Variants in ACLY observed in about 807,000 individuals in gnomAD.
ACLY encodes the protein ATP citrate lyase, also known as ATP-citrate synthase.
Under a neutral mutation model 133.0 loss-of-function variants are expected in ACLY, and 41 were observed. The observed-to-expected ratio is 0.31, with a 90% CI of 0.24 to 0.40. The LOEUF (loss-of-function observed/expected upper bound fraction) is 0.40, where lower values mean the gene tolerates loss of function less well. Among genes scored for constraint, ACLY ranks in the 10% least tolerant of loss-of-function variants. The pLI is 1.00. For missense variants in ACLY, 1,046 were observed against 1,453.8 expected (o/e 0.72, Z 4.56); for synonymous variants, 495 against 549.3 (o/e 0.90, Z 1.38).
chr17:41,907,374 C>T (rs1412817247), intron 7 of ACLY, 68 bp downstream of exon 7: 2 of 1,496,956 alleles, frequency 1.3e-6, no homozygotes, highest in African/African-American at 1.4e-5. Flanking sequence ...GCCAAATGCA[C>T]ATCAAAGATG....
intron 1 of ACLY, among the ~76,000 whole-genome samples, chr17:41,925,225 C>T (rs1326205613): frequency 6.6e-6 from 1 of 151,416 alleles, no homozygotes; most frequent in Non-Finnish European, 1.5e-5. Context: ...AGCCGAGATC[C>T]TGCAACTGCC....
upstream of ACLY, among the ~76,000 whole-genome samples, chr17:41,920,668 A>G (rs2050168137): frequency 6.6e-6 from 1 of 151,550 alleles, no homozygotes; most frequent in Non-Finnish European, 1.5e-5. Flanking sequence ...GAATTTTGGA[A>G]GGCCAAGTCA....
intron 25 of ACLY, 68 bp from the exon 26 acceptor site, chr17:41,869,655 G>C: frequency 7.4e-7 from 1 of 1,353,198 alleles, no homozygotes; most frequent in Non-Finnish European, 1.1e-6. Flanking sequence ...TCATACTTGT[G>C]TTACAGGTAG....
intron 13 of ACLY, among the ~76,000 whole-genome samples, chr17:41,897,526 G>C (rs1169088718): frequency 2.6e-5 from 4 of 152,124 alleles, no homozygotes; most frequent in African/African-American, 9.7e-5. Flanking sequence ...AGAATAGGGG[G>C]AGTTGAGGCG....
chr17:41,907,903 G>A (rs1044115884), intron 6 of ACLY, among the ~76,000 whole-genome samples: 8 of 152,052 alleles, frequency 5.3e-5, no homozygotes, highest in Non-Finnish European at 8.8e-5. Flanking sequence ...CCCATGGTCC[G>A]GCCACTTTTA....
intron 21 of ACLY, 46 bp downstream of exon 21, chr17:41,878,751 T>C: frequency 6.2e-7 from 1 of 1,608,308 alleles, no homozygotes; most frequent in Non-Finnish European, 8.5e-7. Context: ...TCAGGAGGGA[T>C]TTGGAAAGGA....
rs149136450 is a variant in ACLY, at chr17:41,897,378, C to G, written c.1429+371G>C. Among the ~76,000 whole-genome samples, 1,051 of 152,148 alleles carry G rather than the reference C, an allele frequency of 6.9e-3. 11 individuals are homozygous for G. The highest frequency in any genetic ancestry group is 0.024 in the African/African-American group (1,012 of 41,498). On this transcript the variant is annotated intron_variant, in intron 13 of 28. Transcript: ENST00000352035. Reference sequence around the variant, plus strand: ...TGTTGTATGAGCTGGCTCTGCCGTCCTGGGGTCCCGGTGTCTGCCCTCCAC... The same window carrying G: ...TGTTGTATGAGCTGGCTCTGCCGTCGTGGGGTCCCGGTGTCTGCCCTCCAC...
chr17:41,897,672 A>AAAGGGG, intron 13 of ACLY, 77 bp downstream of exon 13: 1 of 1,374,098 alleles, frequency 7.3e-7, no homozygotes, highest in Non-Finnish European at 9.9e-7. Flanking sequence ...CCCAGGGGGG[A>AAAGGGG]AAGGGAAAGG....
At chr17:41,869,197 T>C in intron 26 of ACLY, 72 bp from the exon 27 acceptor site, 1 of 1,339,158 alleles carries the variant, frequency 7.5e-7, no homozygotes, top group Non-Finnish European at 1.1e-6. Context: ...CCACTGTCAC[T>C]ACTATTACTA....
At chr17:41,892,192 C>T (rs2049232735) in intron 16 of ACLY, 87 bp downstream of exon 16, 5 of 1,333,342 alleles carry the variant, frequency 3.7e-6, no homozygotes, top group Middle Eastern at 2.7e-4. Context: ...TTCCTGCTTC[C>T]CCACCCTCTG....
rs782259064 is a variant in ACLY at position 41,897,784 on chromosome 17, G to A, written c.1394C>T (p.Ala465Val). ...SFSESRADEV[A>V]PAKKAKPAMP... ...GGCAGGCTTGGCCTTCTTTGCAGGC[G>A]CCACCTCATCGGCCCTGGACTCAGA... The change falls in exon 13 of 29, where the codon GCG becomes GTG. Residue 465 changes from alanine to valine, a missense_variant. Transcript: ENST00000352035. 4.3e-6 allele frequency: 7 copies of A among 1,613,096 alleles called. No homozygotes were observed. Among genetic ancestry groups the A allele is most frequent in the Admixed American group, 3.3e-5 (2 of 59,852 alleles).
intron 20 of ACLY, among the ~76,000 whole-genome samples, chr17:41,882,467 T>C (rs2048944442): frequency 6.9e-6 from 1 of 145,644 alleles, no homozygotes; most frequent in South Asian, 2.3e-4. Flanking sequence ...ACCCGGCTTT[T>C]CCTTCAATTT....
upstream of ACLY, among the ~76,000 whole-genome samples, chr17:41,919,268 C>A (rs987185937): frequency 7.0e-6 from 1 of 142,510 alleles, no homozygotes; most frequent in Non-Finnish European, 1.5e-5. Flanking sequence ...GTGGCCTGAT[C>A]GCTTGAGGGG....
rs201742241 is a variant in ACLY, at chr17:41,917,923, C to T, written c.-24+957G>A. 4.0e-4 allele frequency among the ~76,000 whole-genome samples: 61 copies of T among 152,280 alleles called. 1 individual carries two copies. In the East Asian group the frequency reaches 9.7e-3, roughly 24 times the overall value. ...AGTTCAGCTGAGCCAGCTGAAAACA[C>T]AGAGGAAAGTTAAGGGTGGAGAGGA... On this transcript the variant is annotated intron_variant, in intron 1 of 28. Transcript: ENST00000352035.
At chr17:41,869,727 G>A (rs2048552520) in intron 25 of ACLY, 140 bp from the exon 26 acceptor site, 1 of 635,426 alleles carries the variant, frequency 1.6e-6, no homozygotes, top group East Asian at 2.7e-5. Flanking sequence ...CATTCCATGT[G>A]GCACCAATTG....
At chr17:41,919,259 T>G (rs1328090370), upstream of ACLY, among the ~76,000 whole-genome samples, 1 of 133,166 alleles carries the variant, frequency 7.5e-6, no homozygotes, top group Non-Finnish European at 1.6e-5. Flanking sequence ...CTGGGGGTTG[T>G]GGCCTGATCG....
chr17:41,900,628 G>C (rs1050271361), intron 11 of ACLY, among the ~76,000 whole-genome samples: 1 of 152,030 alleles, frequency 6.6e-6, no homozygotes, highest in Non-Finnish European at 1.5e-5. Context: ...GGGAGGCTGA[G>C]GAGGGAGGAT....
chr17:41,918,956 G>C (rs938860389), upstream of ACLY: 2 of 1,289,094 alleles, frequency 1.6e-6, no homozygotes, highest in Non-Finnish European at 2.0e-6. Context: ...CCCAGCAGCC[G>C]GTAGCTTCCC....
chr17:41,918,800 G>C, intron 1 of ACLY, 80 bp downstream of exon 1: 2 of 1,260,322 alleles, frequency 1.6e-6, no homozygotes, highest in Non-Finnish European at 2.0e-6. Flanking sequence ...CGGGGAAGGC[G>C]GTTCCGGGTT....
Sources: gnomAD v4.1 joint callset for allele counts (sites outside exome capture counted in the v4.1 genomes callset) on GRCh38, gnomAD v4.1.1 for gene constraint, MANE v1.5 for transcripts, NCBI Gene and HGNC (gene_info 2026-07-23, HGNC 2026-07-21) for gene names.